SYNPR: variants seen among roughly 807,000 people sequenced by gnomAD.
The protein encoded by SYNPR is synaptoporin.
A neutral mutation model predicts 32.9 loss-of-function variants in SYNPR; 23 were observed. The observed-to-expected ratio is 0.70, with a 90% CI of 0.50 to 0.99. The LOEUF is 0.99. Among genes scored for constraint, SYNPR ranks in the 50% least tolerant of loss-of-function variants. The pLI is 0.00. For missense variants in SYNPR, 318 were observed against 349.3 expected (o/e 0.91, Z 0.71); for synonymous variants, 146 against 135.9 (o/e 1.07, Z -0.52).
rs1369442969 is a variant in SYNPR at position 63,408,530 on chromosome 3, T to C, written c.85-72302T>C. On this transcript the variant is annotated intron_variant, in intron 2 of 5. Transcript: ENST00000478300. The stretch of plus-strand genomic sequence containing the variant: ...AAGGCTTGAGAACCACGAGAGCTGA[T>C]AGTGTAATTTTCAGTCCAAGGCAGA... Among the ~76,000 whole-genome samples the C allele has an allele frequency of 3.3e-5, 5 of 151,998 alleles. 1 individual carries two copies. Among genetic ancestry groups the C allele is most frequent in the Admixed American group, 1.3e-4 (2 of 15,248 alleles).
intron 2 of SYNPR, among the ~76,000 whole-genome samples, chr3:63,293,204 T>A (rs2086757495): frequency 6.6e-6 from 1 of 152,206 alleles, no homozygotes; most frequent in African/African-American, 2.4e-5. Context: ...TTGCCTCAAG[T>A]CACATAGGTG....
At chr3:63,367,345 A>C (rs13086246) in intron 2 of SYNPR, among the ~76,000 whole-genome samples, 1 of 140,914 alleles carries the variant, frequency 7.1e-6, no homozygotes, top group East Asian at 2.0e-4. Flanking sequence ...CTGTTGAATT[A>C]TTTATTTATT....
At position 63,538,496 on chromosome 3, in the gene SYNPR, C is replaced by T. The variant is rs200634509; in HGVS notation, c.210-18047C>T. ...TAGTATTTTGCAAAGCCACCTTTGCCGTGATCTCATAAAAACAGTATATTT... is the reference window on the plus strand; with the variant it reads ...TAGTATTTTGCAAAGCCACCTTTGCTGTGATCTCATAAAAACAGTATATTT... On this transcript the variant is annotated intron_variant, in intron 3 of 5. Transcript: ENST00000478300. Among the ~76,000 whole-genome samples, 40 of 151,630 alleles carry T rather than the reference C, an allele frequency of 2.6e-4. 1 individual carries two copies. The highest frequency in any genetic ancestry group is 1.8e-3 in the East Asian group (9 of 5,134).
At position 63,382,250 on chromosome 3, in the gene SYNPR, T is replaced by C. The variant is rs538782499; in HGVS notation, c.85-98582T>C. On this transcript the variant is annotated intron_variant, in intron 2 of 5. Coordinates refer to ENST00000478300, the MANE Select transcript of SYNPR (RefSeq NM_001130003.2). The stretch of plus-strand genomic sequence containing the variant: ...GGCTCCCAAGGTGATCTTCATATTC[T>C]CCCAGGGCCATTGTTACTGCCCAAA... 7.0e-4 allele frequency among the ~76,000 whole-genome samples: 106 copies of C among 152,300 alleles called. 4 individuals are homozygous for C. The South Asian group carries it at 0.021, about 31-fold the overall frequency.
intron 2 of SYNPR, among the ~76,000 whole-genome samples, chr3:63,358,874 A>G (rs2087620000): frequency 6.6e-6 from 1 of 152,184 alleles, no homozygotes; most frequent in Non-Finnish European, 1.5e-5. Context: ...TGGCTGAGCT[A>G]GGATAGTAAC....
At chr3:63,350,713 C>T (rs934334015) in intron 2 of SYNPR, among the ~76,000 whole-genome samples, 1 of 152,210 alleles carries the variant, frequency 6.6e-6, no homozygotes, top group Admixed American at 6.5e-5. Flanking sequence ...ATGGAAATGA[C>T]ACTTGCACTT....
At chr3:63,283,777 C>T (rs541056805) in intron 2 of SYNPR, among the ~76,000 whole-genome samples, 2 of 145,136 alleles carry the variant, frequency 1.4e-5, no homozygotes, top group East Asian at 2.1e-4. Context: ...CTCTGGAAAA[C>T]TAAGTTGGTA....
chr3:63,596,313 C>T (rs1699958915), intron 4 of SYNPR, among the ~76,000 whole-genome samples: 1 of 119,722 alleles, frequency 8.4e-6, no homozygotes, highest in East Asian at 3.2e-4. Context: ...CCTTCTCCTT[C>T]CCCAATGCTC....
intron 2 of SYNPR, among the ~76,000 whole-genome samples, chr3:63,262,601 A>C (rs1191794461): frequency 6.6e-6 from 1 of 152,178 alleles, no homozygotes; most frequent in Admixed American, 6.6e-5. Flanking sequence ...ATGTGAGTCC[A>C]CTTAGGTGGA....
In SYNPR at chr3:63,606,417, C is replaced by CTTTTT. The variant is rs61299069; in HGVS notation, c.409-2690_409-2686dup. Among the ~76,000 whole-genome samples, 167 of 68,220 alleles carry CTTTTT rather than the reference C, an allele frequency of 2.4e-3. 13 individuals carry two copies. Among genetic ancestry groups the CTTTTT allele is most frequent in the African/African-American group, 5.2e-3 (98 of 18,764 alleles). 44.8% of individuals were successfully genotyped at this position (68,220 alleles called of 152,430 possible). The stretch of plus-strand genomic sequence containing the variant: ...AATTAAGCAGGACCTCAAATCCTTT[C>CTTTTT]TTTTTTTTTTTTTTTTTTTTTTAGC... On this transcript the variant is annotated intron_variant, in intron 4 of 5. Transcript: ENST00000478300.
chr3:63,512,516 A>G (rs961500659), intron 3 of SYNPR, among the ~76,000 whole-genome samples: 1 of 152,176 alleles, frequency 6.6e-6, no homozygotes, highest in African/African-American at 2.4e-5. Flanking sequence ...GGGTGAGCTC[A>G]AAGTAATCAC....
At chr3:63,554,136 G>T (rs975325222) in intron 3 of SYNPR, among the ~76,000 whole-genome samples, 1 of 152,182 alleles carries the variant, frequency 6.6e-6, no homozygotes, top group African/African-American at 2.4e-5. Context: ...TTAGACCTTT[G>T]TCAGATACAT....
intron 3 of SYNPR, among the ~76,000 whole-genome samples, chr3:63,498,427 A>G (rs1701413140): frequency 6.6e-6 from 1 of 152,140 alleles, no homozygotes; most frequent in African/African-American, 2.4e-5. Context: ...GAGAAAATAA[A>G]CAAGCAAACG....
intron 2 of SYNPR, among the ~76,000 whole-genome samples, chr3:63,433,739 C>T (rs1424234020): frequency 1.3e-5 from 2 of 152,028 alleles, no homozygotes; most frequent in Non-Finnish European, 2.9e-5. Context: ...ATATAAGAAG[C>T]CTCACCCAGA....
At chr3:63,455,135 C>G (rs1393755967) in intron 2 of SYNPR, among the ~76,000 whole-genome samples, 3 of 151,972 alleles carry the variant, frequency 2.0e-5, no homozygotes, top group Non-Finnish European at 4.4e-5. Context: ...GCTAAGTGTC[C>G]AATAGGTACC....
At chr3:63,431,590 G>A (rs1699995184) in intron 2 of SYNPR, among the ~76,000 whole-genome samples, 1 of 152,108 alleles carries the variant, frequency 6.6e-6, no homozygotes, top group Non-Finnish European at 1.5e-5. Context: ...TAGAGTCATG[G>A]TTGGCCAAGG....
At chr3:63,269,435 G>A (rs1314281855) in intron 3 of SYNPR, among the ~76,000 whole-genome samples, 1 of 151,832 alleles carries the variant, frequency 6.6e-6, no homozygotes, top group African/African-American at 2.4e-5. Flanking sequence ...GTTTCAGTGA[G>A]CCACTGCACT....
chr3:63,525,400 A>C (rs1701993643), intron 3 of SYNPR, among the ~76,000 whole-genome samples: 1 of 152,278 alleles, frequency 6.6e-6, no homozygotes, highest in Non-Finnish European at 1.5e-5. Context: ...CAGGTATTTC[A>C]GTATTTTTGC....
chr3:63,250,666 T>C (rs1028080479), intron 1 of SYNPR, among the ~76,000 whole-genome samples: 12 of 152,196 alleles, frequency 7.9e-5, no homozygotes, highest in Non-Finnish European at 5.9e-5. Context: ...AAGCTAGGTA[T>C]GATTTTAGCT....
Sources: allele counts gnomAD v4.1 joint callset (sites outside exome capture counted in the v4.1 genomes callset), GRCh38; gene constraint gnomAD v4.1.1; transcripts MANE v1.5; gene names NCBI Gene and HGNC (gene_info 2026-07-23, HGNC 2026-07-21).